Variants in FREM1 observed in about 807,000 individuals in gnomAD.
The protein encoded by FREM1 is FRAS1-related extracellular matrix protein 1.
FREM1 carries 220 observed loss-of-function variants against 210.1 expected under a neutral mutation model. That is an observed-to-expected ratio of 1.05 (90% CI 0.94 to 1.17). The LOEUF is 1.17. Among genes scored for constraint, FREM1 ranks in the 50% most tolerant of loss-of-function variants. The pLI is 0.00. For synonymous variants in FREM1, 1,189 were observed against 980.2 expected, an observed-to-expected ratio of 1.21 and a Z score of -3.98; for missense variants, 3,454 against 2,675.5, an observed-to-expected ratio of 1.29 and a Z score of -6.42.
In FREM1 at chr9:14,759,760, C is replaced by A. The variant is rs768794965; in HGVS notation, c.5334+12G>T. ...AGTTTTAGCTTGATAATTTACATTT[C>A]AGAGTCATTACCTTTATACCCACAA... On this transcript the variant is annotated intron_variant, in intron 28 of 36. Coordinates refer to ENST00000380880, the MANE Select transcript of FREM1 (RefSeq NM_001379081.2). 3 of 1,565,678 alleles carry A rather than the reference C, an allele frequency of 1.9e-6. No homozygotes were observed. Among genetic ancestry groups the A allele is most frequent in the Non-Finnish European group, 2.6e-6 (3 of 1,155,044 alleles).
intron 6 of FREM1, among the ~76,000 whole-genome samples, chr9:14,851,010 T>A (rs1588363348): frequency 6.6e-6 from 1 of 152,248 alleles, no homozygotes; most frequent in South Asian, 2.1e-4. Context: ...CACACTTGTA[T>A]CCTTGCAGGG....
Position 14,816,069 on chromosome 9 carries a change from G to A in FREM1, c.2640+709C>T, listed in dbSNP as rs113555355. 7.4e-4 allele frequency among the ~76,000 whole-genome samples: 112 copies of A among 152,184 alleles called. No individual in the cohort carries two copies. The Middle Eastern group carries it at 0.01, about 14-fold the overall frequency. The stretch of plus-strand genomic sequence containing the variant: ...GAGGCACCACACACACATATACATG[G>A]CTTTATCTGTAAACAGGAAAACCCC... On this transcript the variant is annotated intron_variant, in intron 15 of 36. Transcript: ENST00000380880.
intron 14 of FREM1, among the ~76,000 whole-genome samples, chr9:14,817,789 G>A (rs918837161): frequency 6.6e-6 from 1 of 152,100 alleles, no homozygotes; most frequent in Non-Finnish European, 1.5e-5. Flanking sequence ...CCCTTCCTAT[G>A]GTGGGGAAGT....
chr9:14,885,460 C>G (rs934800072), intron 1 of FREM1, among the ~76,000 whole-genome samples: 1 of 152,198 alleles, frequency 6.6e-6, no homozygotes, highest in Admixed American at 6.5e-5. Flanking sequence ...CACCCTGTCG[C>G]CCAGGCTAGC....
chr9:14,879,190 C>T (rs970331613), intron 1 of FREM1, among the ~76,000 whole-genome samples: 15 of 150,296 alleles, frequency 1.0e-4, no homozygotes, highest in African/African-American at 3.7e-4. Flanking sequence ...GCATCATAAG[C>T]GGGCACCATT....
At chr9:14,842,762 C>T (rs546875499) in intron 8 of FREM1, 102 bp from the exon 9 acceptor site, 38 of 797,472 alleles carry the variant, frequency 4.8e-5, no homozygotes, top group Middle Eastern at 7.6e-4. Flanking sequence ...GGAAAGTGTG[C>T]AGCCCGTATT....
intron 1 of FREM1, among the ~76,000 whole-genome samples, chr9:14,896,557 A>C (rs1263910412): frequency 6.6e-6 from 1 of 151,790 alleles, no homozygotes; most frequent in East Asian, 1.9e-4. Flanking sequence ...AAAAAAAAAA[A>C]AAAAAAAAGA....
intron 22 of FREM1, among the ~76,000 whole-genome samples, chr9:14,790,360 C>T (rs1851087902): frequency 1.3e-5 from 2 of 152,028 alleles, no homozygotes; most frequent in African/African-American, 4.8e-5. Context: ...TATGTTCTGC[C>T]CTCACGCTCA....
intron 1 of FREM1, among the ~76,000 whole-genome samples, chr9:14,884,981 G>A (rs1372040882): frequency 4.1e-5 from 5 of 121,126 alleles, no homozygotes; most frequent in Non-Finnish European, 6.3e-5. Context: ...CTGGAGTGCA[G>A]TGGTGCGATC....
chr9:14,747,269 T>C lies in FREM1; in HGVS notation c.6004A>G (p.Arg2002Gly). The change falls in exon 33 of 37, where the codon AGA becomes GGA. Residue 2002 changes from arginine (R) to glycine (G), a missense_variant. By Grantham distance (125) the Arg-to-Gly change is moderately radical. Coordinates refer to ENST00000380880, the MANE Select transcript of FREM1 (RefSeq NM_001379081.2). ...VESTTDSHFP[R>G]QDQLPSFPKN... ...AGGAACAAAGATTTTCATACCTGTC[T>C]GGGGAAGTGTGAGTCAGTTGTGGAT... The C allele has an allele frequency of 1.9e-6, 3 of 1,611,632 alleles. No individual in the cohort carries two copies. The highest frequency in any genetic ancestry group is 2.5e-6 in the Non-Finnish European group (3 of 1,178,888).
intron 19 of FREM1, among the ~76,000 whole-genome samples, chr9:14,802,224 T>C (rs1406329139): frequency 6.6e-6 from 1 of 152,240 alleles, no homozygotes; most frequent in Non-Finnish European, 1.5e-5. Context: ...AAAAGTTCAG[T>C]TGTAAAACTG....
At chr9:14,877,727 T>G (rs1448839086) in intron 1 of FREM1, among the ~76,000 whole-genome samples, 1 of 152,130 alleles carries the variant, frequency 6.6e-6, no homozygotes, top group African/African-American at 2.4e-5. Flanking sequence ...AGCTTGGAAG[T>G]GGCTTCTTCC....
chr9:14,804,689 C>T (rs1190559188), intron 19 of FREM1, among the ~76,000 whole-genome samples: 2 of 152,106 alleles, frequency 1.3e-5, no homozygotes, highest in African/African-American at 4.8e-5. Flanking sequence ...AGATACAAGA[C>T]AATGGAGGTA....
chr9:14,899,616 T>C (rs949736810), intron 1 of FREM1, among the ~76,000 whole-genome samples: 6 of 152,178 alleles, frequency 3.9e-5, no homozygotes. Context: ...CAGAGAAACA[T>C]TTTAAAAGTG....
chr9:14,782,373 C>G (rs1563916769), intron 24 of FREM1: 2 of 980,988 alleles, frequency 2.0e-6, no homozygotes, highest in East Asian at 1.1e-4. Flanking sequence ...AATATCTAAC[C>G]TTCATTTCTG....
At chr9:14,777,084 G>C (rs971083416) in intron 24 of FREM1, among the ~76,000 whole-genome samples, 2 of 152,154 alleles carry the variant, frequency 1.3e-5, no homozygotes, top group African/African-American at 4.8e-5. Context: ...ACAAATTCTG[G>C]TTTAGCAATC....
chr9:14,798,970 G>A (rs901311135), intron 20 of FREM1, among the ~76,000 whole-genome samples: 5 of 149,832 alleles, frequency 3.3e-5, no homozygotes, highest in Admixed American at 2.7e-4. Context: ...CACCACACCC[G>A]GTCTCCATGT....
At chr9:14,860,782 C>CGT (rs1459704525) in intron 3 of FREM1, among the ~76,000 whole-genome samples, 1 of 75,756 alleles carries the variant, frequency 1.3e-5, no homozygotes, top group Admixed American at 1.4e-4. Flanking sequence ...CACATATATA[C>CGT]ATATATACAT....
chr9:14,755,673 C>T lies in FREM1; in HGVS notation c.5407+701G>A, dbSNP rs148833715. Among the ~76,000 whole-genome samples the T allele has an allele frequency of 2.6e-5, 4 of 152,290 alleles. No homozygotes were observed. The East Asian group carries it at 7.7e-4, about 29-fold the overall frequency. On this transcript the variant is annotated intron_variant, in intron 29 of 36. Transcript: ENST00000380880. ...GGTGCTTTTGTGTTAGTCCTTCATC[C>T]TGGAGTTTTCTTCTTCATCTAAATG...
Sources: gnomAD v4.1 joint callset for allele counts (sites outside exome capture counted in the v4.1 genomes callset) on GRCh38, gnomAD v4.1.1 for gene constraint, MANE v1.5 for transcripts, NCBI Gene and HGNC (gene_info 2026-07-23, HGNC 2026-07-21) for gene names.